The following TNKS variants were observed in gnomAD, a reference collection of about 807,000 sequenced individuals.
The protein encoded by TNKS is tankyrase, also known as poly [ADP-ribose] polymerase tankyrase-1.
TNKS carries 72 observed loss-of-function variants against 135.8 expected under a neutral mutation model. That is an observed-to-expected ratio of 0.53 (90% CI 0.44 to 0.64). The LOEUF (loss-of-function observed/expected upper bound fraction) is 0.64, where lower values mean the gene tolerates loss of function less well. Ranked by LOEUF, TNKS falls within the 30% of genes least tolerant of loss-of-function variation. TNKS has a pLI of 0.00. For missense variants in TNKS, 1,769 were observed against 1,674.0 expected (o/e 1.06, Z -0.99); for synonymous variants, 849 against 649.3 (o/e 1.31, Z -4.68).
intron 3 of TNKS, among the ~76,000 whole-genome samples, chr8:9,662,068 G>T (rs141065770): frequency 8.1e-4 from 124 of 152,272 alleles, no homozygotes; most frequent in African/African-American, 2.8e-3. Flanking sequence ...TTAGAATGGC[G>T]ATCATTAAGA....
rs1056435848 is a variant in TNKS, at chr8:9,706,992, T to C, written c.1451T>C (p.Leu484Ser). The change falls in exon 8 of 27, where the codon TTG becomes TCG. Residue 484 changes from leucine (L) to serine (S), a missense_variant. By Grantham distance (145) the Leu-to-Ser change is moderately radical. This residue lies in a region of TNKS where 523 missense variants were observed against 541.0 expected (regional missense o/e 0.97). Transcript: ENST00000310430. Reference sequence around the variant, plus strand: ...CCAACTCCGGAGCTTAGGGAGAGATTGACTTGTACGTATTTATATCCCGAA... The same window carrying C: ...CCAACTCCGGAGCTTAGGGAGAGATCGACTTGTACGTATTTATATCCCGAA... Reference protein sequence around the residue: ...MAPTPELRERLTYEFKGHSLL... With the variant: ...MAPTPELRERSTYEFKGHSLL... The C allele has an allele frequency of 4.4e-6, 7 of 1,581,286 alleles. No individual in the cohort carries two copies. Among genetic ancestry groups the C allele is most frequent in the African/African-American group, 1.4e-5 (1 of 73,264 alleles).
intron 17 of TNKS, among the ~76,000 whole-genome samples, chr8:9,745,219 AT>A (rs1390912166): frequency 6.6e-6 from 1 of 152,178 alleles, no homozygotes; most frequent in Non-Finnish European, 1.5e-5. Flanking sequence ...GTTTTAGGTG[AT>A]TTTGATAATA....
intron 2 of TNKS, among the ~76,000 whole-genome samples, chr8:9,592,259 T>G (rs1304035895): frequency 6.6e-6 from 1 of 152,216 alleles, no homozygotes; most frequent in Non-Finnish European, 1.5e-5. Context: ...TTTTTTGGTT[T>G]GTGTTTTCCT....
At chr8:9,582,885 G>T (rs965419176) in intron 2 of TNKS, among the ~76,000 whole-genome samples, 2 of 151,944 alleles carry the variant, frequency 1.3e-5, no homozygotes, top group African/African-American at 4.8e-5. Flanking sequence ...GTCCATTTAG[G>T]GGCAGGCGCG....
Position 9,642,746 on chromosome 8 carries a change from G to A in TNKS, c.994+27069G>A, listed in dbSNP as rs983034354. ...CTTAAAGTGAGTAATTGGACGTTTA[G>A]TAAAAACATGACACCTCTTTTAATA... On this transcript the variant is annotated intron_variant, in intron 3 of 26. Coordinates refer to ENST00000310430, the MANE Select transcript of TNKS (RefSeq NM_003747.3). Among the ~76,000 whole-genome samples the A allele has an allele frequency of 4.1e-5, 6 of 145,598 alleles. 2 individuals carry two copies. The highest frequency in any genetic ancestry group is 4.2e-4 in the East Asian group (2 of 4,748).
At chr8:9,770,391 G>A (rs1050019238) in intron 26 of TNKS, 129 bp downstream of exon 26, 4 of 997,980 alleles carry the variant, frequency 4.0e-6, no homozygotes, top group African/African-American at 1.6e-5. Flanking sequence ...AATTACTTCA[G>A]ATACAAAATA....
intron 26 of TNKS, among the ~76,000 whole-genome samples, chr8:9,771,725 AAC>A (rs1444366360): frequency 8.4e-6 from 1 of 119,114 alleles, no homozygotes; most frequent in African/African-American, 3.4e-5. Flanking sequence ...GAGAGGAAGG[AAC>A]AGGGAGTGAG....
At chr8:9,577,053 A>G (rs972867248) in intron 1 of TNKS, among the ~76,000 whole-genome samples, 1 of 152,200 alleles carries the variant, frequency 6.6e-6, no homozygotes, top group African/African-American at 2.4e-5. Context: ...CTGTATTCAT[A>G]TATTTAGTTT....
intron 5 of TNKS, among the ~76,000 whole-genome samples, chr8:9,692,436 A>G (rs1803320372): frequency 1.3e-5 from 2 of 152,198 alleles, no homozygotes; most frequent in African/African-American, 4.8e-5. Context: ...CCCCCATTAC[A>G]AAAACCGTGA....
intron 3 of TNKS, among the ~76,000 whole-genome samples, chr8:9,673,782 G>T (rs769147247): frequency 6.6e-6 from 1 of 151,918 alleles, no homozygotes; most frequent in East Asian, 1.9e-4. Flanking sequence ...GGGTCGGGGG[G>T]TTCATTTCCG....
In TNKS at chr8:9,770,244, C is replaced by T; in HGVS notation, c.3879C>T (p.Val1293=). Residue 1293 remains valine, a synonymous_variant, in exon 26 of 27, where the codon GTC becomes GTT. Transcript: ENST00000310430. ...SVNGLAYAEY[V]IYRGEQAYPE... is the part of the protein sequence containing the mutation. ...ATGGGCTGGCATATGCTGAATATGT[C>T]ATCTACAGAGGAGAACAGGTATGTT... 6.2e-7 allele frequency: 1 copy of T among 1,612,950 alleles called. No homozygotes were observed. The highest frequency in any genetic ancestry group is 2.2e-5 in the East Asian group (1 of 44,868).
Position 9,684,350 on chromosome 8 carries a change from C to G in TNKS, c.1107+3550C>G, listed in dbSNP as rs572466696. ...TAAGGTGGTAATATTCTCTTGTTTT[C>G]CAGTGTTAATTTTCGTAAGGATACC... On this transcript the variant is annotated intron_variant, in intron 5 of 26. Transcript: ENST00000310430. 5.9e-5 allele frequency among the ~76,000 whole-genome samples: 9 copies of G among 151,896 alleles called. No homozygotes were observed. The East Asian group carries it at 1.7e-3, about 29-fold the overall frequency.
chr8:9,744,530 T>G (rs1385813267), intron 17 of TNKS, among the ~76,000 whole-genome samples: 1 of 152,226 alleles, frequency 6.6e-6, no homozygotes, highest in East Asian at 1.9e-4. Flanking sequence ...TTAGGTTGTA[T>G]TTGTCATTTA....
intron 2 of TNKS, among the ~76,000 whole-genome samples, chr8:9,595,527 G>T (rs898167204): frequency 2.6e-5 from 4 of 151,718 alleles, no homozygotes; most frequent in African/African-American, 9.7e-5. Context: ...CAGTTATTCT[G>T]TACAATAGTG....
At chr8:9,705,999 C>CA (rs1372408096) in intron 6 of TNKS, among the ~76,000 whole-genome samples, 188 bp from the exon 7 acceptor site, 1 of 151,832 alleles carries the variant, frequency 6.6e-6, no homozygotes, top group Non-Finnish European at 1.5e-5. Flanking sequence ...GGATTATATA[C>CA]AAAAAACAAG....
intron 5 of TNKS, among the ~76,000 whole-genome samples, chr8:9,698,850 T>C (rs541888745): frequency 2.5e-4 from 38 of 152,358 alleles, no homozygotes; most frequent in South Asian, 1.2e-3. Flanking sequence ...TTTTTTCTTA[T>C]AGCCTGAATC....
rs761248231 is a variant in TNKS at position 9,766,318 on chromosome 8, G to A, written c.3633G>A (p.Gly1211=). ...ACATAGGAGGAATGTTTGGGGCCGG[G>A]ATTTATTTTGCTGAAAACTCCTCAA... ...HAYIGGMFGA[G]IYFAENSSKS... is the part of the protein sequence containing the mutation. Residue 1211 remains glycine (G), a synonymous_variant, in exon 25 of 27, where the codon GGG becomes GGA. Transcript: ENST00000310430. The A allele has an allele frequency of 8.7e-6, 14 of 1,613,700 alleles. No homozygotes were observed. Among genetic ancestry groups the A allele is most frequent in the Admixed American group, 6.7e-5 (4 of 59,982 alleles).
intron 3 of TNKS, among the ~76,000 whole-genome samples, chr8:9,660,611 C>G (rs943738862): frequency 1.3e-5 from 2 of 152,130 alleles, no homozygotes; most frequent in Non-Finnish European, 2.9e-5. Context: ...CTATCTATGA[C>G]AAACCCACAG....
intron 20 of TNKS, among the ~76,000 whole-genome samples, chr8:9,753,472 G>A (rs1806657781): frequency 6.6e-6 from 1 of 152,160 alleles, no homozygotes; most frequent in Non-Finnish European, 1.5e-5. Flanking sequence ...GTCTGTGAAG[G>A]TCTAAGGATG....
Sources: allele counts gnomAD v4.1 joint callset (sites outside exome capture counted in the v4.1 genomes callset), GRCh38; gene constraint gnomAD v4.1.1; regional missense constraint gnomAD v4.1.1; transcripts MANE v1.5; gene names NCBI Gene and HGNC (gene_info 2026-07-23, HGNC 2026-07-21).